Variants in PTDSS2 observed in about 807,000 individuals in gnomAD.
The protein encoded by PTDSS2 is phosphatidylserine synthase 2.
PTDSS2 carries 41 observed loss-of-function variants against 64.7 expected under a neutral mutation model. The ratio of observed to expected loss-of-function variants is 0.63; its 90% confidence interval spans 0.49 to 0.82. The LOEUF is 0.82. PTDSS2 is among the 40% of genes least tolerant of loss of function. The pLI is 0.00. For missense variants in PTDSS2, 485 were observed against 650.0 expected, an observed-to-expected ratio of 0.75 and a Z score of 2.76; for synonymous variants, 297 against 277.8, an observed-to-expected ratio of 1.07 and a Z score of -0.69.
At chr11:481,238 C>T (rs1266764873) in intron 4 of PTDSS2, among the ~76,000 whole-genome samples, 1 of 152,150 alleles carries the variant, frequency 6.6e-6, no homozygotes, top group Non-Finnish European at 1.5e-5. Context: ...GAGGATTGGT[C>T]ATGATCTAGT....
At position 479,138 on chromosome 11, in the gene PTDSS2, T is replaced by C. The variant is rs376888711; in HGVS notation, c.421T>C (p.Phe141Leu). The stretch of plus-strand genomic sequence containing the variant: ...TGTGGTCTACGAGCTGTTTCTCATC[T>C]TTATACTCTTCCAGGTAAGCTGTTT... ...VSVVYELFLIFILFQTVQDGR... is the reference protein window; with the variant it reads ...VSVVYELFLILILFQTVQDGR... The change falls in exon 4 of 12, where the codon TTT becomes CTT. Residue 141 changes from phenylalanine (F) to leucine (L), a missense_variant. Coordinates refer to ENST00000308020, the MANE Select transcript of PTDSS2 (RefSeq NM_030783.3). The surrounding 1 kb of genome is among the most constrained non-coding windows in gnomAD (Gnocchi z 4.2). 5.4e-5 allele frequency: 87 copies of C among 1,613,884 alleles called. No homozygotes were observed. Among genetic ancestry groups the C allele is most frequent in the Non-Finnish European group, 7.4e-5 (87 of 1,179,822 alleles).
intron 1 of PTDSS2, among the ~76,000 whole-genome samples, chr11:458,195 A>G (rs1319521660): frequency 6.6e-6 from 1 of 151,708 alleles, no homozygotes; most frequent in Non-Finnish European, 1.5e-5. Flanking sequence ...ATTCTGGATA[A>G]AAAGTATTTT....
intron 4 of PTDSS2, among the ~76,000 whole-genome samples, chr11:485,984 G>A (rs1300158859): frequency 7.0e-6 from 1 of 143,084 alleles, no homozygotes; most frequent in African/African-American, 2.7e-5. Context: ...CACCGTGCGC[G>A]CAGGCGAGCG....
chr11:472,253 C>T (rs1398699754), intron 2 of PTDSS2, among the ~76,000 whole-genome samples: 1 of 152,178 alleles, frequency 6.6e-6, no homozygotes, highest in Non-Finnish European at 1.5e-5. Context: ...TATGACCCTC[C>T]CCACGCCCCT....
intron 6 of PTDSS2, 100 bp from the exon 7 acceptor site, chr11:488,099 C>G (rs140862070): frequency 0.023 from 19,954 of 854,208 alleles, 356 homozygotes; most frequent in Middle Eastern, 0.054. Context: ...GGCCGGCGTC[C>G]CATACTCTGG....
rs1848636953 is a variant in PTDSS2 at position 490,683 on chromosome 11, A to G, written c.*101A>G. 3 of 1,315,462 alleles carry G rather than the reference A, an allele frequency of 2.3e-6. No individual in the cohort carries two copies. Among genetic ancestry groups the G allele is most frequent in the Non-Finnish European group, 3.1e-6 (3 of 979,062 alleles). 81.5% of individuals were successfully genotyped at this position (1,315,462 alleles called of 1,614,324 possible). On this transcript the variant is annotated 3_prime_UTR_variant, in exon 12 of 12. Transcript: ENST00000308020. Reference sequence around the variant, plus strand: ...AGCCACGTGCCCGGCCTTGCCCTCAAGGTTTTTTGCTTTTCTCCTGTGCAC... The same window carrying G: ...AGCCACGTGCCCGGCCTTGCCCTCAGGGTTTTTTGCTTTTCTCCTGTGCAC...
Position 450,443 on chromosome 11 carries a change from G to A in PTDSS2, c.-13G>A. ...TCGAGGCGCCGGGCGGAGTGGCTCC[G>A]GGCCGAAACGCCATGCGGAGGGGCG... is the stretch of plus-strand genomic sequence containing the variant. On this transcript the variant is annotated 5_prime_UTR_variant, in exon 1 of 12. Coordinates refer to ENST00000308020, the MANE Select transcript of PTDSS2 (RefSeq NM_030783.3). The A allele has an allele frequency of 8.2e-7, 1 of 1,225,046 alleles. No homozygotes were observed. The highest frequency in any genetic ancestry group is 1.0e-6 in the Non-Finnish European group (1 of 982,180). The allele number at this position is 1,225,046 out of a possible 1,614,324, so 75.9% of individuals were successfully genotyped here.
Position 490,951 on chromosome 11 carries a change from C to G in PTDSS2, c.*369C>G, listed in dbSNP as rs977090416. Reference sequence around the variant, plus strand: ...CCCTCAGGAACCAGGGTCCTCCCTCCCCTTTCTGCCTGGTCAGCCCCGTGG... The same window carrying G: ...CCCTCAGGAACCAGGGTCCTCCCTCGCCTTTCTGCCTGGTCAGCCCCGTGG... On this transcript the variant is annotated 3_prime_UTR_variant, in exon 12 of 12. Transcript: ENST00000308020. 1 of 251,128 alleles carries G rather than the reference C, an allele frequency of 4.0e-6. No homozygotes were observed. The highest frequency in any genetic ancestry group is 7.7e-6 in the Non-Finnish European group (1 of 129,768). The allele number at this position is 251,128 out of a possible 1,614,324, so 15.6% of individuals were successfully genotyped here.
Position 487,083 on chromosome 11 carries a change from CG to C in PTDSS2, c.570+15del. ...CTTTCACAACATCTGGGTAAGACGC[CG>C]GGGGCCCTGAGGCGAGCCCCTCCCC... On this transcript the variant is annotated intron_variant, in intron 5 of 11. Transcript: ENST00000308020. The C allele has an allele frequency of 6.2e-7, 1 of 1,609,688 alleles. No homozygotes were observed. Among genetic ancestry groups the C allele is most frequent in the Non-Finnish European group, 8.5e-7 (1 of 1,177,944 alleles).
intron 2 of PTDSS2, among the ~76,000 whole-genome samples, chr11:468,846 T>G (rs1244713236): frequency 6.2e-5 from 5 of 81,124 alleles, no homozygotes; most frequent in African/African-American, 1.0e-4. Flanking sequence ...AGGAGGGGAG[T>G]CTCTGAGATG....
chr11:485,417 A>C (rs1255201627), intron 4 of PTDSS2, among the ~76,000 whole-genome samples: 2 of 136,046 alleles, frequency 1.5e-5, no homozygotes, highest in Non-Finnish European at 3.1e-5. Context: ...TAAACAGTGC[A>C]CGGACGCGTG....
chr11:482,104 C>T (rs1848099541), intron 4 of PTDSS2, among the ~76,000 whole-genome samples: 1 of 152,098 alleles, frequency 6.6e-6, no homozygotes, highest in Non-Finnish European at 1.5e-5. Flanking sequence ...CCTTGGCCTC[C>T]CAAAGTGCTG....
intron 3 of PTDSS2, among the ~76,000 whole-genome samples, chr11:477,440 G>A (rs1388274768): frequency 6.6e-6 from 1 of 152,200 alleles, no homozygotes; most frequent in African/African-American, 2.4e-5. Context: ...GGGAGGTGCT[G>A]GAGCTGCTCC....
At chr11:468,219 C>G (rs1466266245) in intron 2 of PTDSS2, among the ~76,000 whole-genome samples, 3 of 152,182 alleles carry the variant, frequency 2.0e-5, no homozygotes, top group African/African-American at 7.2e-5. Flanking sequence ...TGAGAGGAGC[C>G]AGTTGAGAAG....
At position 484,738 on chromosome 11, in the gene PTDSS2, A is replaced by G. The variant is rs569018955; in HGVS notation, c.436-2201A>G. ...AAACAGTGCACGGATGCGTGTGCTC[A>G]CCGTGTGCGCAGGCGAGTGTAAGTG... On this transcript the variant is annotated intron_variant, in intron 4 of 11. Coordinates refer to ENST00000308020, the MANE Select transcript of PTDSS2 (RefSeq NM_030783.3). Among the ~76,000 whole-genome samples, 22 of 129,334 alleles carry G rather than the reference A, an allele frequency of 1.7e-4. 1 individual carries two copies. In the East Asian group the frequency reaches 5.5e-3, roughly 32 times the overall value. The allele number at this position is 129,334 out of a possible 152,430, so 84.8% of individuals were successfully genotyped here. A position where few individuals can be genotyped will look rare whatever the true frequency, so the allele number is the denominator to read the frequency against.
chr11:460,254 G>A lies in PTDSS2; in HGVS notation c.250G>A (p.Glu84Lys). The stretch of plus-strand genomic sequence containing the variant: ...GCTTGGCTATGTGACGCTGCTGGAG[G>A]AAACACCTCAGGACACGGCCTACAA... ...CTLGYVTLLE[E>K]TPQDTAYNTK... Residue 84 changes from glutamate (E) to lysine (K), a missense_variant, in exon 2 of 12, where the codon GAA (glutamate) becomes AAA (lysine). By Grantham distance (56) the Glu-to-Lys change is moderately conservative. Around this residue, in one of 3 missense-constraint regions of PTDSS2, gnomAD observed 251 missense variants for 348.0 expected, o/e 0.72. Transcript: ENST00000308020. This position sits in a 1 kb window ranked among gnomAD's most constrained non-coding sequence, Gnocchi z 5.8. The A allele has an allele frequency of 3.7e-6, 6 of 1,614,192 alleles. No individual in the cohort carries two copies. Among genetic ancestry groups the A allele is most frequent in the Non-Finnish European group, 5.1e-6 (6 of 1,180,022 alleles).
At position 454,632 on chromosome 11, in the gene PTDSS2, C is replaced by T. The variant is rs545301563; in HGVS notation, c.182+3995C>T. ...CCAGCCTGGCCAATATGGTGAAACCCGGTCTCTACTAAAAATACAAAAATT... is the reference window on the plus strand; with the variant it reads ...CCAGCCTGGCCAATATGGTGAAACCTGGTCTCTACTAAAAATACAAAAATT... On this transcript the variant is annotated intron_variant, in intron 1 of 11. Coordinates refer to ENST00000308020, the MANE Select transcript of PTDSS2 (RefSeq NM_030783.3). Among the ~76,000 whole-genome samples the T allele has an allele frequency of 7.9e-5, 12 of 152,212 alleles. No homozygotes were observed. The East Asian group carries it at 1.9e-3, about 24-fold the overall frequency.
rs1564984169 is a variant in PTDSS2 at position 479,089 on chromosome 11, C to CTGGA, written c.373_376dup (p.Arg126MetfsTer34). On this transcript the variant is annotated frameshift_variant, in exon 4 of 12. Coordinates refer to ENST00000308020, the MANE Select transcript of PTDSS2 (RefSeq NM_030783.3). LOFTEE classifies it high-confidence loss of function. This position sits in a 1 kb window ranked among gnomAD's most constrained non-coding sequence, Gnocchi z 4.2. The stretch of plus-strand genomic sequence containing the variant: ...TTCTGTCGTCTGTCTTTGTAGCTTA[C>CTGGA]TGGAGGTTTTGGCTCTGCGTGAGTG... The CTGGA allele has an allele frequency of 6.2e-7, 1 of 1,614,026 alleles. No individual in the cohort carries two copies. The highest frequency in any genetic ancestry group is 8.5e-7 in the Non-Finnish European group (1 of 1,179,856).
rs538248263 is a variant in PTDSS2 at position 450,672 on chromosome 11, T to A, written c.182+35T>A. ...GTGGGCGGCCGCGGGGCGGCGAGGG[T>A]GCCCTCGACCTGGGGGTTCCGGCAC... On this transcript the variant is annotated intron_variant, in intron 1 of 11. Transcript: ENST00000308020. 264 of 1,241,036 alleles carry A rather than the reference T, an allele frequency of 2.1e-4. 1 individual carries two copies. The African/African-American group carries it at 3.8e-3, about 18-fold the overall frequency. The allele number at this position is 1,241,036 out of a possible 1,614,324, so 76.9% of individuals were successfully genotyped here. A position where few individuals can be genotyped will look rare whatever the true frequency, so the allele number is the denominator to read the frequency against.
Sources: allele counts gnomAD v4.1 joint callset (sites outside exome capture counted in the v4.1 genomes callset), GRCh38; gene constraint gnomAD v4.1.1; regional missense constraint gnomAD v4.1.1; non-coding constraint Gnocchi (gnomAD v3.1); transcripts MANE v1.5; gene names NCBI Gene and HGNC (gene_info 2026-07-23, HGNC 2026-07-21).